C1orf21: variants seen among roughly 807,000 people sequenced by gnomAD.
The protein encoded by C1orf21 is chromosome 1 open reading frame 21, also known as uncharacterized protein C1orf21.
C1orf21 carries 3 observed loss-of-function variants against 18.7 expected under a neutral mutation model. The observed-to-expected ratio is 0.16, with a 90% CI of 0.07 to 0.42. C1orf21 has a LOEUF of 0.42. Ranked by LOEUF, C1orf21 falls within the 10% of genes least tolerant of loss-of-function variation. C1orf21 has a pLI of 0.99. For missense variants in C1orf21, 104 were observed against 143.6 expected, an observed-to-expected ratio of 0.72 and a Z score of 1.41; for synonymous variants, 41 against 46.4, an observed-to-expected ratio of 0.88 and a Z score of 0.47.
At chr1:184,414,336 C>T (rs1042128927) in intron 1 of C1orf21, among the ~76,000 whole-genome samples, 9 of 152,048 alleles carry the variant, frequency 5.9e-5, no homozygotes, top group Admixed American at 3.3e-4. Flanking sequence ...GCTATGTTGC[C>T]CGGGCTGGTC....
At chr1:184,413,314 G>A (rs1656386593) in intron 1 of C1orf21, among the ~76,000 whole-genome samples, 1 of 152,154 alleles carries the variant, frequency 6.6e-6, no homozygotes, top group African/African-American at 2.4e-5. Context: ...AAACCTAGAG[G>A]TGAAGCTCAT....
intron 1 of C1orf21, among the ~76,000 whole-genome samples, chr1:184,468,629 C>A (rs1657443934): frequency 6.6e-6 from 1 of 152,024 alleles, no homozygotes. Context: ...TTTAAAAAAA[C>A]GATTCTTGGC....
intron 3 of C1orf21, among the ~76,000 whole-genome samples, chr1:184,550,154 C>G (rs1215774982): frequency 6.6e-6 from 1 of 152,036 alleles, no homozygotes; most frequent in African/African-American, 2.4e-5. Flanking sequence ...TCCTTAAAGT[C>G]CCAGTGACTA....
At chr1:184,405,033 A>G (rs535557078) in intron 1 of C1orf21, among the ~76,000 whole-genome samples, 2 of 152,176 alleles carry the variant, frequency 1.3e-5, no homozygotes, top group South Asian at 2.1e-4. Flanking sequence ...TTAAAATTTT[A>G]TGTGTCTGTT....
intron 3 of C1orf21, among the ~76,000 whole-genome samples, chr1:184,585,456 T>A (rs1044652707): frequency 6.6e-6 from 1 of 152,244 alleles, no homozygotes; most frequent in Non-Finnish European, 1.5e-5. Flanking sequence ...TTGTGGCTTG[T>A]GTGCATACCT....
At chr1:184,582,883 G>T (rs1156868633) in intron 3 of C1orf21, among the ~76,000 whole-genome samples, 1 of 152,136 alleles carries the variant, frequency 6.6e-6, no homozygotes, top group East Asian at 1.9e-4. Flanking sequence ...CTGTCACCCA[G>T]ACTGGAGTGC....
rs1242499540 is a variant in C1orf21, at chr1:184,607,687, ATGTG to A, written c.327+9232_327+9235del. 4.7e-5 allele frequency among the ~76,000 whole-genome samples: 7 copies of A among 148,618 alleles called. No homozygotes were observed. The South Asian group carries it at 8.6e-4, about 18-fold the overall frequency. On this transcript the variant is annotated intron_variant, in intron 5 of 5. Transcript: ENST00000235307. ...TATATGTGTGTATATATATACATAT[ATGTG>A]TGTGTATATATATACACATATATGT... is the stretch of plus-strand genomic sequence containing the variant.
At chr1:184,601,614 A>G (rs1258503017) in intron 5 of C1orf21, among the ~76,000 whole-genome samples, 2 of 152,140 alleles carry the variant, frequency 1.3e-5, no homozygotes, top group African/African-American at 4.8e-5. Context: ...ATTTAAAAAA[A>G]TGATTCAGCC....
chr1:184,603,307 T>C (rs1253818489), intron 5 of C1orf21, among the ~76,000 whole-genome samples: 2 of 152,204 alleles, frequency 1.3e-5, no homozygotes, highest in South Asian at 2.1e-4. Context: ...TCTTCCTTTC[T>C]TATATCCCCT....
chr1:184,530,154 A>G (rs1658438074), intron 3 of C1orf21, among the ~76,000 whole-genome samples: 1 of 152,198 alleles, frequency 6.6e-6, no homozygotes, highest in South Asian at 2.1e-4. Flanking sequence ...TTATTTTAAA[A>G]CATATCCCAT....
chr1:184,573,960 C>T (rs914388038), intron 3 of C1orf21, among the ~76,000 whole-genome samples: 2 of 152,042 alleles, frequency 1.3e-5, no homozygotes, highest in African/African-American at 2.4e-5. Context: ...TTTGGGAGGC[C>T]GAGGTAGGCA....
chr1:184,424,682 T>A (rs768550257), intron 1 of C1orf21, among the ~76,000 whole-genome samples: 4 of 152,130 alleles, frequency 2.6e-5, no homozygotes, highest in Non-Finnish European at 5.9e-5. Flanking sequence ...ATTGGATGGG[T>A]TTAGTATGCT....
intron 3 of C1orf21, among the ~76,000 whole-genome samples, chr1:184,541,588 A>T (rs182368823): frequency 9.2e-5 from 14 of 152,320 alleles, no homozygotes; most frequent in African/African-American, 3.4e-4. Context: ...AAAATATGTG[A>T]TTCTTAAATA....
At chr1:184,477,785 G>A (rs572547815) in intron 2 of C1orf21, among the ~76,000 whole-genome samples, 182 bp downstream of exon 2, 27 of 152,156 alleles carry the variant, frequency 1.8e-4, no homozygotes, top group Non-Finnish European at 3.8e-4. Flanking sequence ...TTGTTTCTGT[G>A]TGTTGGGAAC....
chr1:184,534,458 A>G (rs2101974470), intron 3 of C1orf21, among the ~76,000 whole-genome samples: 1 of 152,322 alleles, frequency 6.6e-6, no homozygotes, highest in South Asian at 2.1e-4. Flanking sequence ...TGCCTCTCAC[A>G]GGGCTTTTCT....
chr1:184,431,776 A>G (rs1348763014), intron 1 of C1orf21, among the ~76,000 whole-genome samples: 1 of 152,198 alleles, frequency 6.6e-6, no homozygotes, highest in African/African-American at 2.4e-5. Context: ...TTTACAAGAA[A>G]AAAACAAACA....
At chr1:184,521,279 G>T (rs547611106) in intron 3 of C1orf21, among the ~76,000 whole-genome samples, 1 of 152,066 alleles carries the variant, frequency 6.6e-6, no homozygotes, top group Non-Finnish European at 1.5e-5. Flanking sequence ...TGCTCCCAGG[G>T]TATTTTCCCA....
intron 1 of C1orf21, among the ~76,000 whole-genome samples, chr1:184,454,007 A>G (rs1657159334): frequency 6.6e-6 from 1 of 152,230 alleles, no homozygotes; most frequent in Non-Finnish European, 1.5e-5. Context: ...GGAATTGTGT[A>G]GGGACCCTGA....
At chr1:184,486,090 G>A (rs1036842568) in intron 2 of C1orf21, among the ~76,000 whole-genome samples, 3 of 152,214 alleles carry the variant, frequency 2.0e-5, no homozygotes, top group African/African-American at 7.2e-5. Context: ...GGGGCTCATG[G>A]AATCACAGAA....
Sources: gnomAD v4.1 joint callset for allele counts (sites outside exome capture counted in the v4.1 genomes callset) on GRCh38, gnomAD v4.1.1 for gene constraint, MANE v1.5 for transcripts, NCBI Gene and HGNC (gene_info 2026-07-23, HGNC 2026-07-21) for gene names.